The following KIAA1217 variants were observed in gnomAD, a reference collection of about 807,000 sequenced individuals.
The protein encoded by KIAA1217 is sickle tail protein homolog.
KIAA1217 carries 88 observed loss-of-function variants against 163.9 expected under a neutral mutation model. The ratio of observed to expected loss-of-function variants is 0.54; its 90% CI spans 0.45 to 0.64. The LOEUF is 0.64. KIAA1217 is among the 30% of genes least tolerant of loss of function. KIAA1217 has a pLI of 0.00. For synonymous variants in KIAA1217, 903 were observed against 923.1 expected (o/e 0.98, Z 0.39); for missense variants, 2,372 against 2,475.0 (o/e 0.96, Z 0.88).
chr10:23,973,717 G>A (rs1419670660), intron 1 of KIAA1217, among the ~76,000 whole-genome samples: 2 of 152,120 alleles, frequency 1.3e-5, no homozygotes, highest in African/African-American at 4.8e-5. Flanking sequence ...CAGAGGTAAT[G>A]ACGAGAAACT....
chr10:23,992,823 A>G (rs1846277119), intron 1 of KIAA1217, among the ~76,000 whole-genome samples: 1 of 151,284 alleles, frequency 6.6e-6, no homozygotes, highest in Non-Finnish European at 1.5e-5. Flanking sequence ...TGAGCTTGCA[A>G]CTCTAGGAGG....
chr10:23,913,300 A>ACAG (rs1215011091), intron 1 of KIAA1217, among the ~76,000 whole-genome samples: 1 of 152,178 alleles, frequency 6.6e-6, no homozygotes, highest in Non-Finnish European at 1.5e-5. Context: ...CAGAGCACAG[A>ACAG]CAGCCGATGA....
At chr10:24,485,089 CTTT>C (rs71506835) in intron 6 of KIAA1217, among the ~76,000 whole-genome samples, 4 of 140,938 alleles carry the variant, frequency 2.8e-5, no homozygotes, top group Non-Finnish European at 4.6e-5. Context: ...GACCTGCCCG[CTTT>C]TTTTTTTTTT....
At chr10:24,095,250 C>T (rs981297890) in intron 2 of KIAA1217, among the ~76,000 whole-genome samples, 14 of 152,300 alleles carry the variant, frequency 9.2e-5, no homozygotes, top group South Asian at 6.2e-4. Context: ...CACTGTCCTG[C>T]GCCCACTGTC....
At chr10:24,240,912 A>G (rs956695383) in intron 2 of KIAA1217, among the ~76,000 whole-genome samples, 9 of 151,538 alleles carry the variant, frequency 5.9e-5, no homozygotes, top group African/African-American at 1.9e-4. Flanking sequence ...GCTGAAGTGC[A>G]GTGGCGCGAT....
At chr10:24,332,279 G>A (rs1186562583) in intron 2 of KIAA1217, among the ~76,000 whole-genome samples, 1 of 152,146 alleles carries the variant, frequency 6.6e-6, no homozygotes, top group Non-Finnish European at 1.5e-5. Context: ...GCCTATCAGG[G>A]GTACTGAAAT....
chr10:24,085,576 C>T (rs902306913), intron 2 of KIAA1217, among the ~76,000 whole-genome samples: 12 of 152,006 alleles, frequency 7.9e-5, no homozygotes, highest in Admixed American at 3.3e-4. Context: ...ATCATGGTGC[C>T]CAGGAATAGC....
intron 2 of KIAA1217, among the ~76,000 whole-genome samples, chr10:24,239,804 TG>T (rs1173439643): frequency 6.6e-6 from 1 of 152,056 alleles, no homozygotes; most frequent in African/African-American, 2.4e-5. Flanking sequence ...ATAAAATCCA[TG>T]GAATGTTGCA....
intron 2 of KIAA1217, among the ~76,000 whole-genome samples, chr10:24,363,875 T>C (rs2050372882): frequency 6.6e-6 from 1 of 151,328 alleles, no homozygotes; most frequent in Non-Finnish European, 1.5e-5. Context: ...CCAGGCCCAT[T>C]CTTTTAATCT....
At chr10:23,811,214 C>T (rs564627210) in intron 1 of KIAA1217, among the ~76,000 whole-genome samples, 1 of 138,984 alleles carries the variant, frequency 7.2e-6, no homozygotes, top group Non-Finnish European at 1.5e-5. Context: ...ATAGTATAAT[C>T]TATATATAGT....
Position 24,162,045 on chromosome 10 carries a change from C to A in KIAA1217, c.-170-57581C>A, listed in dbSNP as rs562932379. Among the ~76,000 whole-genome samples the A allele has an allele frequency of 3.3e-5, 5 of 152,268 alleles. No homozygotes were observed. The East Asian group carries it at 9.6e-4, about 29-fold the overall frequency. On this transcript the variant is annotated intron_variant, in intron 2 of 18. Transcript: ENST00000376462. ...AGGTGCTCAGTGATGCTTTCTAGAC[C>A]CAAAGCACACCAGCACAAATAAATC...
chr10:24,167,568 C>T (rs1017609158), intron 2 of KIAA1217, among the ~76,000 whole-genome samples: 1 of 152,092 alleles, frequency 6.6e-6, no homozygotes, highest in African/African-American at 2.4e-5. Flanking sequence ...CAGGCCCTCT[C>T]GCTTCTGAGA....
intron 1 of KIAA1217, among the ~76,000 whole-genome samples, chr10:23,811,990 T>C (rs1837082865): frequency 6.6e-6 from 1 of 151,822 alleles, no homozygotes; most frequent in South Asian, 2.1e-4. Flanking sequence ...GGGGCTGAGG[T>C]GAGGGGATCG....
chr10:23,878,857 G>A (rs144559894), intron 1 of KIAA1217, among the ~76,000 whole-genome samples: 2 of 151,862 alleles, frequency 1.3e-5, no homozygotes, highest in Non-Finnish European at 2.9e-5. Flanking sequence ...TGGATTTGGG[G>A]TATGAGAGAA....
At chr10:24,411,915 C>T (rs185645435) in intron 3 of KIAA1217, among the ~76,000 whole-genome samples, 1 of 152,100 alleles carries the variant, frequency 6.6e-6, no homozygotes, top group African/African-American at 2.4e-5. Flanking sequence ...GGAATTGATG[C>T]TTTTGATTCC....
intron 2 of KIAA1217, among the ~76,000 whole-genome samples, chr10:24,142,980 G>T (rs137951286): frequency 6.6e-6 from 1 of 152,184 alleles, no homozygotes; most frequent in Non-Finnish European, 1.5e-5. Flanking sequence ...AATTATTTTC[G>T]TATACCCTTA....
At chr10:24,056,709 G>A (rs1339797052) in intron 2 of KIAA1217, among the ~76,000 whole-genome samples, 2 of 151,948 alleles carry the variant, frequency 1.3e-5, no homozygotes, top group African/African-American at 4.8e-5. Flanking sequence ...GAATACATAA[G>A]GAAACAAATG....
At chr10:23,857,158 C>T (rs536857206) in intron 1 of KIAA1217, among the ~76,000 whole-genome samples, 1 of 152,132 alleles carries the variant, frequency 6.6e-6, no homozygotes, top group African/African-American at 2.4e-5. Flanking sequence ...TCTTGGCGCT[C>T]TCTCAGGGAT....
Position 24,521,812 on chromosome 10 carries a change from G to A in KIAA1217, c.2339G>A (p.Arg780Gln). 11 of 1,613,382 alleles carry A rather than the reference G, an allele frequency of 6.8e-6. No individual in the cohort carries two copies. Among genetic ancestry groups the A allele is most frequent in the South Asian group, 1.1e-5 (1 of 91,056 alleles). The change falls in exon 12 of 21, where the codon CGA becomes CAA. Residue 780 changes from arginine (R) to glutamine (Q), a missense_variant. Coordinates refer to ENST00000376454, the MANE Select transcript of KIAA1217 (RefSeq NM_019590.5). ...TTTCCAACCTTACAAAACAAGATGC[G>A]AGCCATCCTGCGCATAGAAGTGGAG... The part of the protein sequence containing the change: ...GEFPTLQNKM[R>Q]AILRIEVEAV...
Sources: gnomAD v4.1 joint callset for allele counts (sites outside exome capture counted in the v4.1 genomes callset) on GRCh38, gnomAD v4.1.1 for gene constraint, MANE v1.5 for transcripts, NCBI Gene and HGNC (gene_info 2026-07-23, HGNC 2026-07-21) for gene names.